The following TMX3 variants were observed in gnomAD, a reference collection of about 807,000 sequenced individuals.
TMX3 encodes protein disulfide-isomerase TMX3.
TMX3 carries 40 observed loss-of-function variants against 64.4 expected under a neutral mutation model. That is an observed-to-expected ratio of 0.62 (90% CI 0.48 to 0.81). TMX3 has a LOEUF of 0.81. Ranked by LOEUF, TMX3 falls within the 30% of genes least tolerant of loss-of-function variation. The pLI, the probability that TMX3 is intolerant of heterozygous loss-of-function variation, is 0.00. For synonymous variants in TMX3, 189 were observed against 175.7 expected, an observed-to-expected ratio of 1.08 and a Z score of -0.60; for missense variants, 497 against 534.5, an observed-to-expected ratio of 0.93 and a Z score of 0.69.
At chr18:68,711,690 A>G (rs2031293675) in intron 2 of TMX3, among the ~76,000 whole-genome samples, 1 of 152,146 alleles carries the variant, frequency 6.6e-6, no homozygotes, top group Admixed American at 6.5e-5. Context: ...GCCCTTCTAG[A>G]ACATTTTACA....
intron 6 of TMX3, 28 bp from the exon 7 acceptor site, chr18:68,698,059 C>T (rs1568193484): frequency 6.7e-7 from 1 of 1,489,442 alleles, no homozygotes; most frequent in South Asian, 1.2e-5. Flanking sequence ...AAAAAACAAA[C>T]TTGAATTATA....
intron 8 of TMX3, among the ~76,000 whole-genome samples, chr18:68,693,002 G>A (rs1914670932): frequency 6.6e-6 from 1 of 152,176 alleles, no homozygotes; most frequent in African/African-American, 2.4e-5. Context: ...GTAGATGAGG[G>A]CTTAGCATAA....
intron 1 of TMX3, chr18:68,714,238 T>C (rs1268004585): frequency 2.4e-5 from 4 of 165,772 alleles, no homozygotes; most frequent in East Asian, 1.7e-4. Flanking sequence ...TTCTTCTTTA[T>C]TTCTTTTGCT....
intron 13 of TMX3, 21 bp downstream of exon 13, chr18:68,682,904 A>G: frequency 6.3e-7 from 1 of 1,581,390 alleles, no homozygotes; most frequent in Non-Finnish European, 8.6e-7. Flanking sequence ...TGACAGCAAA[A>G]TCATTCAGCA....
chr18:68,697,835 T>C (rs533348856), intron 7 of TMX3, 97 bp downstream of exon 7: 5 of 705,056 alleles, frequency 7.1e-6, no homozygotes, highest in African/African-American at 3.6e-5. Context: ...TTCCAGTAAG[T>C]GCAGAGTAAT....
At chr18:68,711,326 AG>A (rs2031248329) in intron 3 of TMX3, 37 bp downstream of exon 3, 2 of 1,505,594 alleles carry the variant, frequency 1.3e-6, no homozygotes, top group Admixed American at 3.8e-5. Flanking sequence ...TTAAAATGGT[AG>A]GGGTGGGTAA....
At chr18:68,714,097 T>C (rs760299976) in intron 1 of TMX3, among the ~76,000 whole-genome samples, 197 bp from the exon 2 acceptor site, 9 of 152,168 alleles carry the variant, frequency 5.9e-5, no homozygotes, top group Non-Finnish European at 1.0e-4. Flanking sequence ...TATGCAACCA[T>C]ATCGTGACCG....
intron 14 of TMX3, among the ~76,000 whole-genome samples, chr18:68,680,106 T>A (rs1913275447): frequency 6.6e-6 from 1 of 152,098 alleles, no homozygotes; most frequent in African/African-American, 2.4e-5. Context: ...GAGAGTTTCA[T>A]TTCAACAAAT....
At chr18:68,694,846 A>C (rs1914901059) in intron 8 of TMX3, among the ~76,000 whole-genome samples, 1 of 152,228 alleles carries the variant, frequency 6.6e-6, no homozygotes, top group Non-Finnish European at 1.5e-5. Flanking sequence ...AGCATTAAAC[A>C]CCTACTTCGG....
rs760693974 is a variant in TMX3, at chr18:68,697,916, TA to T, written c.492+15del. On this transcript the variant is annotated intron_variant, in intron 7 of 15. Transcript: ENST00000299608. Reference sequence around the variant, plus strand: ...TTACAATACATCTGTTTTTGTGGATTAAAAAAAAGTCTTACTTTCAAAGGTG... The same window carrying T: ...TTACAATACATCTGTTTTTGTGGATTAAAAAAAGTCTTACTTTCAAAGGTG... 98 of 1,536,448 alleles carry T rather than the reference TA, an allele frequency of 6.4e-5. No homozygotes were observed. The highest frequency in any genetic ancestry group is 1.0e-4 in the Admixed American group (6 of 58,650).
chr18:68,683,106 GC>G, intron 12 of TMX3, 125 bp from the exon 13 acceptor site: 1 of 755,432 alleles, frequency 1.3e-6, no homozygotes, highest in Non-Finnish European at 2.2e-6. Flanking sequence ...GCCTCAGTAG[GC>G]CCAGAAACTG....
chr18:68,699,597 TA>T, intron 6 of TMX3, among the ~76,000 whole-genome samples: 1 of 152,304 alleles, frequency 6.6e-6, no homozygotes, highest in African/African-American at 2.4e-5. Flanking sequence ...ACCTTAAAGC[TA>T]TTTAAAGCTA....
intron 4 of TMX3, among the ~76,000 whole-genome samples, chr18:68,705,589 C>G (rs2030584912): frequency 6.6e-6 from 1 of 152,046 alleles, no homozygotes; most frequent in Admixed American, 6.5e-5. Flanking sequence ...TTCAGTGGTT[C>G]CATAATAAAG....
chr18:68,684,431 G>A lies in TMX3; in HGVS notation c.791C>T (p.Thr264Ile). The A allele has an allele frequency of 1.2e-6, 2 of 1,612,234 alleles. No homozygotes were observed. The highest frequency in any genetic ancestry group is 8.5e-7 in the Non-Finnish European group (1 of 1,178,962). The stretch of plus-strand genomic sequence containing the variant: ...AAACTATATCAAGGCATTATACCTG[G>A]TATGTTCAACTGATGTATTTTTCTC... The part of the protein sequence containing the change: ...IDEKNTSVEH[T>I]RLKSIIQEVA... The change falls in exon 11 of 16, where the codon ACC becomes ATC. Residue 264 changes from threonine to isoleucine, a missense_variant. By Grantham distance (89) the Thr-to-Ile change is moderately conservative. Transcript: ENST00000299608.
At chr18:68,688,061 T>C (rs1163259072) in intron 9 of TMX3, 2 of 190,420 alleles carry the variant, frequency 1.1e-5, no homozygotes, top group African/African-American at 4.7e-5. Context: ...TCGATAAAGA[T>C]CATTTATAAA....
chr18:68,711,390 G>T lies in TMX3; in HGVS notation c.115C>A (p.Arg39=). The part of the protein sequence containing the change: ...EDLDESFKEN[R]NDDIWLVDFY... Reference sequence around the variant, plus strand: ...TCTACAAGCCAAATGTCATCATTTCGATTTTCTTTAAACCTAAAAAACAAG... The same window carrying T: ...TCTACAAGCCAAATGTCATCATTTCTATTTTCTTTAAACCTAAAAAACAAG... Residue 39 remains arginine, a synonymous_variant, in exon 3 of 16, where the codon CGA becomes AGA. Coordinates refer to ENST00000299608, the MANE Select transcript of TMX3 (RefSeq NM_019022.5). 1 of 1,590,246 alleles carries T rather than the reference G, an allele frequency of 6.3e-7. No homozygotes were observed. The highest frequency in any genetic ancestry group is 1.1e-5 in the South Asian group (1 of 87,760).
At chr18:68,701,661 G>A in intron 5 of TMX3, 84 bp downstream of exon 5, 1 of 1,586,928 alleles carries the variant, frequency 6.3e-7, no homozygotes, top group Non-Finnish European at 8.6e-7. Flanking sequence ...ATCCTCCAGG[G>A]AATCTACTAG....
chr18:68,690,901 T>G (rs1470220002), intron 9 of TMX3: 2 of 180,552 alleles, frequency 1.1e-5, no homozygotes. Flanking sequence ...TAAGGGGAAA[T>G]GCCATTAGGG....
rs572423540 is a variant in TMX3, at chr18:68,674,507, T to C, written c.*2426A>G. The C allele has an allele frequency of 5.3e-5, 8 of 152,210 alleles. No individual in the cohort carries two copies. The highest frequency in any genetic ancestry group is 3.9e-4 in the Admixed American group (6 of 15,284). The allele number at this position is 152,210 out of a possible 1,614,324, so 9.4% of individuals were successfully genotyped here. On this transcript the variant is annotated 3_prime_UTR_variant, in exon 16 of 16. Coordinates refer to ENST00000299608, the MANE Select transcript of TMX3 (RefSeq NM_019022.5). Reference sequence around the variant, plus strand: ...TTCCTGAAGGACCCCATTATTCATATAGAATCATGACAAAATTTACCATGG... The same window carrying C: ...TTCCTGAAGGACCCCATTATTCATACAGAATCATGACAAAATTTACCATGG...
Sources: gnomAD v4.1 joint callset for allele counts (sites outside exome capture counted in the v4.1 genomes callset) on GRCh38, gnomAD v4.1.1 for gene constraint, MANE v1.5 for transcripts, NCBI Gene and HGNC (gene_info 2026-07-23, HGNC 2026-07-21) for gene names.